CTNNA2: variants seen among roughly 807,000 people sequenced by gnomAD.
CTNNA2 encodes the protein catenin alpha-2.
A neutral mutation model predicts 101.0 loss-of-function variants in CTNNA2; 42 were observed. The observed-to-expected ratio is 0.42, with a 90% CI of 0.32 to 0.54. The LOEUF (loss-of-function observed/expected upper bound fraction) is 0.54. Ranked by LOEUF, CTNNA2 falls within the 20% of genes least tolerant of loss-of-function variation. The probability of loss-of-function intolerance (pLI) is 0.14; values close to 1 mark genes in which losing one functional copy is unlikely to be tolerated. For missense variants in CTNNA2, 871 were observed against 1,223.1 expected (o/e 0.71, Z 4.29); for synonymous variants, 450 against 456.4 (o/e 0.99, Z 0.18).
chr2:80,625,913 G>T (rs1004596826), intron 18 of CTNNA2, among the ~76,000 whole-genome samples: 12 of 151,910 alleles, frequency 7.9e-5, no homozygotes, highest in Admixed American at 5.3e-4. Flanking sequence ...AATTTACTCT[G>T]TTAAATTTTC....
intron 1 of CTNNA2, among the ~76,000 whole-genome samples, chr2:79,197,080 C>T (rs1158210544): frequency 6.6e-6 from 1 of 152,178 alleles, no homozygotes; most frequent in African/African-American, 2.4e-5. Flanking sequence ...ATCATTTCTT[C>T]AAAGCTTGAA....
intron 12 of CTNNA2, among the ~76,000 whole-genome samples, chr2:80,564,245 C>G (rs556949166): frequency 6.6e-6 from 1 of 152,274 alleles, no homozygotes; most frequent in East Asian, 1.9e-4. Context: ...ATTTATTAAG[C>G]TAGGTTTTGA....
At position 79,701,979 on chromosome 2, in the gene CTNNA2, G is replaced by A. The variant is rs1372635424; in HGVS notation, c.103-42408G>A. ...ATTATACCATTGTACTCCAGCCTGG[G>A]AGAGCGAGACTCTGTCTCAAAAAAA... is the stretch of plus-strand genomic sequence containing the variant. On this transcript the variant is annotated intron_variant, in intron 2 of 18. Transcript: ENST00000402739. 2.1e-5 allele frequency among the ~76,000 whole-genome samples: 3 copies of A among 139,916 alleles called. No homozygotes were observed. In the East Asian group the frequency reaches 6.6e-4, roughly 31 times the overall value. 91.8% of individuals were successfully genotyped at this position (139,916 alleles called of 152,430 possible). A position where few individuals can be genotyped will look rare whatever the true frequency, so the allele number is the denominator to read the frequency against.
At position 79,430,605 on chromosome 2, in the gene CTNNA2, C is replaced by A. The variant is rs896507691; in HGVS notation, c.-135+56592C>A. Among the ~76,000 whole-genome samples, 3 of 152,092 alleles carry A rather than the reference C, an allele frequency of 2.0e-5. No individual in the cohort carries two copies. In the East Asian group the frequency reaches 5.8e-4, roughly 29 times the overall value. On this transcript the variant is annotated intron_variant, in intron 4 of 21. Transcript: ENST00000466387. Reference sequence around the variant, plus strand: ...AACCATAAGCCAAATACTCATCTAGCCTTTTTGCATATATTATTTTACTTA... The same window carrying A: ...AACCATAAGCCAAATACTCATCTAGACTTTTTGCATATATTATTTTACTTA...
At chr2:80,070,649 C>T (rs1698269660) in intron 7 of CTNNA2, among the ~76,000 whole-genome samples, 1 of 150,720 alleles carries the variant, frequency 6.6e-6, no homozygotes, top group Non-Finnish European at 1.5e-5. Flanking sequence ...CCTGGGAGGT[C>T]GAGGCTGCAG....
chr2:79,852,847 C>T (rs1487899742), intron 3 of CTNNA2, among the ~76,000 whole-genome samples: 1 of 152,202 alleles, frequency 6.6e-6, no homozygotes, highest in African/African-American at 2.4e-5. Flanking sequence ...GCCTCAGCCT[C>T]CCAAAGTGTT....
chr2:80,619,056 C>A, intron 17 of CTNNA2, 29 bp from the exon 18 acceptor site: 2 of 1,296,240 alleles, frequency 1.5e-6, no homozygotes, highest in Admixed American at 3.1e-5. Context: ...CTCTCTCATT[C>A]TCTCTTTTCT....
At chr2:79,296,121 G>A (rs1322113963) in intron 2 of CTNNA2, among the ~76,000 whole-genome samples, 1 of 151,836 alleles carries the variant, frequency 6.6e-6, no homozygotes, top group Non-Finnish European at 1.5e-5. Context: ...AGGTGAGGAA[G>A]AAGGTGTGGA....
intron 7 of CTNNA2, among the ~76,000 whole-genome samples, chr2:80,186,393 G>A (rs915889251): frequency 1.3e-5 from 2 of 152,186 alleles, no homozygotes; most frequent in South Asian, 4.1e-4. Context: ...TCATGGCCTT[G>A]ATATCACGAA....
At chr2:80,628,897 C>T (rs765451469) in intron 18 of CTNNA2, among the ~76,000 whole-genome samples, 6 of 152,008 alleles carry the variant, frequency 3.9e-5, no homozygotes, top group Non-Finnish European at 8.8e-5. Flanking sequence ...AAGTGTATGC[C>T]CTCCATTGAG....
chr2:80,046,751 A>G (rs1473071579), intron 7 of CTNNA2, among the ~76,000 whole-genome samples: 1 of 152,212 alleles, frequency 6.6e-6, no homozygotes, highest in African/African-American at 2.4e-5. Flanking sequence ...ATTCAGTAAT[A>G]GCTGCACTTT....
intron 7 of CTNNA2, among the ~76,000 whole-genome samples, chr2:80,086,944 T>C (rs1213504554): frequency 6.6e-6 from 1 of 152,022 alleles, no homozygotes; most frequent in African/African-American, 2.4e-5. Context: ...ATAAATGCAG[T>C]GACTCAAATG....
chr2:79,302,959 T>C (rs1214978483), intron 2 of CTNNA2, among the ~76,000 whole-genome samples: 1 of 152,164 alleles, frequency 6.6e-6, no homozygotes, highest in Non-Finnish European at 1.5e-5. Flanking sequence ...TAAAGAGAAG[T>C]TAACCAACTT....
intron 9 of CTNNA2, among the ~76,000 whole-genome samples, chr2:80,527,246 A>T (rs1470360858): frequency 2.6e-5 from 4 of 152,222 alleles, no homozygotes; most frequent in Non-Finnish European, 4.4e-5. Flanking sequence ...AAAGCAAAGC[A>T]AGTGTAGTAT....
chr2:80,014,762 A>T (rs1264735264), intron 7 of CTNNA2, among the ~76,000 whole-genome samples: 1 of 152,230 alleles, frequency 6.6e-6, no homozygotes, highest in Non-Finnish European at 1.5e-5. Flanking sequence ...TGCAGACTTT[A>T]TCTGACATCA....
At position 80,125,233 on chromosome 2, in the gene CTNNA2, CTG is replaced by C. The variant is rs767043539; in HGVS notation, c.1056+215440_1056+215441del. 6.6e-5 allele frequency among the ~76,000 whole-genome samples: 10 copies of C among 152,218 alleles called. No homozygotes were observed. In the South Asian group the frequency reaches 1.9e-3, roughly 28 times the overall value. ...TGTGTTAAGTGTGAAGTTAGTTACT[CTG>C]TGTCATTCGAGGTGACAAGTCTGGG... On this transcript the variant is annotated intron_variant, in intron 7 of 18. Coordinates refer to ENST00000402739, the MANE Select transcript of CTNNA2 (RefSeq NM_001282597.3).
chr2:79,874,372 G>T (rs1216790762), intron 6 of CTNNA2, 30 bp downstream of exon 6: 1 of 1,592,342 alleles, frequency 6.3e-7, no homozygotes. Context: ...ACACAGAGGG[G>T]TGGGCACTGG....
intron 2 of CTNNA2, among the ~76,000 whole-genome samples, chr2:79,717,501 C>G (rs1317987684): frequency 6.6e-6 from 1 of 152,106 alleles, no homozygotes; most frequent in Non-Finnish European, 1.5e-5. Flanking sequence ...GAGGAGGCAG[C>G]CACAGCAGCG....
intron 7 of CTNNA2, among the ~76,000 whole-genome samples, chr2:80,112,777 A>G (rs1701298863): frequency 6.6e-6 from 1 of 152,214 alleles, no homozygotes; most frequent in Admixed American, 6.5e-5. Context: ...GGTGTGTGCC[A>G]ACAAATTGTA....
Sources: gnomAD v4.1 joint callset for allele counts (sites outside exome capture counted in the v4.1 genomes callset) on GRCh38, gnomAD v4.1.1 for gene constraint, MANE v1.5 for transcripts, NCBI Gene and HGNC (gene_info 2026-07-23, HGNC 2026-07-21) for gene names.